SRPX: variants seen among roughly 807,000 people sequenced by gnomAD.
SRPX encodes the protein sushi repeat-containing protein SRPX.
Under a neutral mutation model 38.1 loss-of-function variants are expected in SRPX, and 24 were observed. The ratio of observed to expected loss-of-function variants is 0.63; its 90% CI spans 0.46 to 0.89. The LOEUF (loss-of-function observed/expected upper bound fraction) is 0.89, where lower values mean the gene tolerates loss of function less well. SRPX is among the 40% of genes least tolerant of loss of function. The probability of loss-of-function intolerance (pLI) is 0.00; values close to 1 mark genes in which losing one functional copy is unlikely to be tolerated. For missense variants in SRPX, 416 were observed against 377.8 expected, an observed-to-expected ratio of 1.10 and a Z score of -0.84; for synonymous variants, 184 against 153.8, an observed-to-expected ratio of 1.20 and a Z score of -1.45.
At chrX:38,196,918 A>G (rs1275000064) in intron 1 of SRPX, among the ~76,000 whole-genome samples, 1 of 111,733 alleles carries the variant, frequency 8.9e-6, no homozygotes, top group Non-Finnish European at 1.9e-5. Flanking sequence ...CTACTCTTCC[A>G]GAAATTCTTG....
intron 2 of SRPX, among the ~76,000 whole-genome samples, chrX:38,174,869 T>A (rs1271915168): frequency 1.2e-4 from 13 of 112,282 alleles, no homozygotes; most frequent in Admixed American, 1.1e-3. Flanking sequence ...TCTAAAATGT[T>A]GTAATACTGG....
At chrX:38,151,542 T>C (rs998162752) in intron 9 of SRPX, among the ~76,000 whole-genome samples, 5 of 111,303 alleles carry the variant, frequency 4.5e-5, no homozygotes, top group African/African-American at 1.6e-4. Flanking sequence ...GGTGCCACCA[T>C]CTGCTACCAT....
In SRPX at chrX:38,178,297, G is replaced by A; in HGVS notation, c.145C>T (p.Pro49Ser). ...GCAAAGCATTCACCTTTATATCTAGGGTGTGAATACCCGACTTCATCGTCT... is the reference window on the plus strand; with the variant it reads ...GCAAAGCATTCACCTTTATATCTAGAGTGTGAATACCCGACTTCATCGTCT... ...LEDDEVGYSH[P>S]RYKDTPWCSP... The change falls in exon 2 of 10, where the codon CCT becomes TCT. Residue 49 changes from proline (P) to serine (S), a missense_variant. By Grantham distance (74) the Pro-to-Ser change is moderately conservative. Transcript: ENST00000378533. The A allele has an allele frequency of 8.3e-7, 1 of 1,208,594 alleles. No homozygotes were observed. Among genetic ancestry groups the A allele is most frequent in the Non-Finnish European group, 1.1e-6 (1 of 893,411 alleles).
At chrX:38,190,136 A>G (rs1437231912) in intron 1 of SRPX, among the ~76,000 whole-genome samples, 1 of 112,630 alleles carries the variant, frequency 8.9e-6, no homozygotes, top group Non-Finnish European at 1.9e-5. Context: ...CAGAGAAGAC[A>G]GAGTCTAAGA....
At chrX:38,199,481 G>A (rs1291562214) in intron 1 of SRPX, among the ~76,000 whole-genome samples, 2 of 110,989 alleles carry the variant, frequency 1.8e-5, no homozygotes, top group East Asian at 2.8e-4. Flanking sequence ...GAACAGCACA[G>A]GGTCTTTCTA....
intron 4 of SRPX, among the ~76,000 whole-genome samples, chrX:38,167,433 C>T (rs1275254299): frequency 9.0e-6 from 1 of 111,376 alleles, no homozygotes; most frequent in African/African-American, 3.3e-5. Flanking sequence ...GTGAGACAAG[C>T]TGGTCTGCCC....
intron 2 of SRPX, 139 bp downstream of exon 2, chrX:38,178,146 T>C (rs1170313453): frequency 1.3e-5 from 5 of 379,073 alleles, no homozygotes; most frequent in South Asian, 7.9e-5. Flanking sequence ...AGTATATATA[T>C]ATATTTTTTT....
intron 1 of SRPX, among the ~76,000 whole-genome samples, chrX:38,205,085 G>A (rs764895822): frequency 1.8e-5 from 2 of 112,099 alleles, no homozygotes; most frequent in South Asian, 3.8e-4. Flanking sequence ...GTTACTTAAC[G>A]GCCATGGCTA....
chrX:38,185,280 G>A (rs6611182), intron 1 of SRPX, among the ~76,000 whole-genome samples: 2,388 of 111,951 alleles, frequency 0.021, 64 homozygotes, highest in African/African-American at 0.073. Flanking sequence ...TCCAGCTTCC[G>A]TATATAAATT....
intron 4 of SRPX, among the ~76,000 whole-genome samples, chrX:38,170,731 G>A (rs1244296146): frequency 1.8e-5 from 2 of 111,951 alleles, no homozygotes; most frequent in Non-Finnish European, 1.9e-5. Context: ...AGAACAATCA[G>A]CATTTTCTTT....
chrX:38,189,718 T>A (rs934492912), intron 1 of SRPX, among the ~76,000 whole-genome samples: 4 of 111,949 alleles, frequency 3.6e-5, no homozygotes, highest in African/African-American at 1.3e-4. Flanking sequence ...TTCACATTGA[T>A]GCACTCTGTT....
intron 1 of SRPX, among the ~76,000 whole-genome samples, chrX:38,217,341 G>A (rs1184625830): frequency 1.8e-5 from 2 of 112,140 alleles, no homozygotes; most frequent in Admixed American, 1.9e-4. Flanking sequence ...CCATTGGAGC[G>A]ATCAAGAAAA....
chrX:38,158,149 A>G (rs925405404), intron 7 of SRPX, among the ~76,000 whole-genome samples: 1 of 112,329 alleles, frequency 8.9e-6, no homozygotes, highest in African/African-American at 3.2e-5. Context: ...TGGCTTTGGA[A>G]TGGCTCAGAA....
At chrX:38,183,011 C>G (rs1420442854) in intron 1 of SRPX, among the ~76,000 whole-genome samples, 2 of 110,797 alleles carry the variant, frequency 1.8e-5, no homozygotes. Context: ...TGCATATAAA[C>G]TGATACACAA....
At chrX:38,204,988 G>A (rs1431470823) in intron 1 of SRPX, among the ~76,000 whole-genome samples, 1 of 111,499 alleles carries the variant, frequency 9.0e-6, no homozygotes, top group African/African-American at 3.3e-5. Context: ...CTAAAAACCA[G>A]CCTGGTTTGG....
Position 38,149,651 on chromosome X carries a change from C to T in SRPX, c.*60G>A, listed in dbSNP as rs896281326. On this transcript the variant is annotated 3_prime_UTR_variant, in exon 10 of 10. Transcript: ENST00000378533. Reference sequence around the variant, plus strand: ...ACATCAAGGATATTTTTAAGGCTTTCCCGTGTGCATGTCACTATGTAGACA... The same window carrying T: ...ACATCAAGGATATTTTTAAGGCTTTTCCGTGTGCATGTCACTATGTAGACA... 5.5e-5 allele frequency: 57 copies of T among 1,045,677 alleles called. No individual in the cohort carries two copies. The Middle Eastern group carries it at 1.6e-3, about 29-fold the overall frequency. The allele number at this position is 1,045,677 out of a possible 1,213,427, so 86.2% of individuals were successfully genotyped here. A position where few individuals can be genotyped will look rare whatever the true frequency, so the allele number is the denominator to read the frequency against.
intron 8 of SRPX, among the ~76,000 whole-genome samples, chrX:38,155,369 G>GT (rs1938114570): frequency 8.9e-6 from 1 of 112,281 alleles, no homozygotes; most frequent in Non-Finnish European, 1.9e-5. Flanking sequence ...AAATGCAAAT[G>GT]TAAGTATATT....
Position 38,164,840 on chromosome X carries a change from G to T in SRPX, c.582C>A (p.Pro194=). 1 of 1,210,584 alleles carries T rather than the reference G, an allele frequency of 8.3e-7. No individual in the cohort carries two copies. The highest frequency in any genetic ancestry group is 1.8e-5 in the South Asian group (1 of 56,828). Residue 194 remains proline, a synonymous_variant, in exon 5 of 10, where the codon CCC becomes CCA. Coordinates refer to ENST00000378533, the MANE Select transcript of SRPX (RefSeq NM_006307.5). Reference sequence around the variant, plus strand: ...AGGACACCCGGACTGTCAGTTTGTTGGGTTCTGCAATGCGTTCCTTCACAC... The same window carrying T: ...AGGACACCCGGACTGTCAGTTTGTTTGGTTCTGCAATGCGTTCCTTCACAC... The part of the protein sequence containing the change: ...CPSVKERIAE[P]NKLTVRVSWE...
chrX:38,158,645 G>A (rs1406615200), intron 7 of SRPX, among the ~76,000 whole-genome samples: 1 of 111,143 alleles, frequency 9.0e-6, no homozygotes, highest in Non-Finnish European at 1.9e-5. Context: ...TACAATGTAA[G>A]CCACTATATT....
Sources: allele counts gnomAD v4.1 joint callset (sites outside exome capture counted in the v4.1 genomes callset), GRCh38; gene constraint gnomAD v4.1.1; transcripts MANE v1.5; gene names NCBI Gene and HGNC (gene_info 2026-07-23, HGNC 2026-07-21).